Variants in AGBL1 observed in about 807,000 individuals in gnomAD.
The protein encoded by AGBL1 is AGBL carboxypeptidase 1.
AGBL1 carries 130 observed loss-of-function variants against 118.9 expected under a neutral mutation model. That is an observed-to-expected ratio of 1.09 (90% CI 0.95 to 1.26). The LOEUF is 1.26. AGBL1 is among the 50% of genes most tolerant of loss of function. The pLI is 0.00. For missense variants in AGBL1, 1,584 were observed against 1,298.1 expected (o/e 1.22, Z -3.38); for synonymous variants, 555 against 478.9 (o/e 1.16, Z -2.08).
chr15:86,264,709 T>C lies in AGBL1; in HGVS notation c.1538T>C (p.Leu513Pro), dbSNP rs1471986315. The change falls in exon 11 of 23, where the codon CTT (leucine) becomes CCT (proline). Residue 513 changes from leucine (L) to proline (P), a missense_variant. Physicochemically the swap from Leu to Pro is moderately conservative, Grantham distance 98. Coordinates refer to ENST00000614907, the MANE Select transcript of AGBL1 (RefSeq NM_001386094.1). ...LKRVPFHDPY[L>P]YMAKARRTSS... ...CGTGTCCCTTTCCACGATCCCTATC[T>C]TTATATGGCCAAAGCCAGAAGAACC... 4 of 1,613,890 alleles carry C rather than the reference T, an allele frequency of 2.5e-6. No individual in the cohort carries two copies. The highest frequency in any genetic ancestry group is 2.7e-5 in the African/African-American group (2 of 74,932).
chr15:86,950,732 C>T (rs2080871967), intron 23 of AGBL1, among the ~76,000 whole-genome samples: 1 of 151,836 alleles, frequency 6.6e-6, no homozygotes, highest in South Asian at 2.1e-4. Flanking sequence ...GAAGAAGAAA[C>T]ACAGCTAATC....
intron 1 of AGBL1, chr15:86,088,181 G>T (rs1031684163): frequency 6.6e-6 from 1 of 152,304 alleles, no homozygotes; most frequent in African/African-American, 2.4e-5. Context: ...GCCATAGTTT[G>T]TTACCCCTGG....
intron 1 of AGBL1, among the ~76,000 whole-genome samples, chr15:86,125,582 C>A (rs568265628): frequency 6.6e-6 from 1 of 152,282 alleles, no homozygotes; most frequent in East Asian, 1.9e-4. Context: ...GAAGGACAGA[C>A]AATGGACATT....
At chr15:86,149,799 T>G (rs2077082658) in intron 3 of AGBL1, among the ~76,000 whole-genome samples, 1 of 152,156 alleles carries the variant, frequency 6.6e-6, no homozygotes, top group South Asian at 2.1e-4. Context: ...TACAGCACTC[T>G]CCACCCCAAA....
intron 5 of AGBL1, among the ~76,000 whole-genome samples, chr15:86,181,177 T>C (rs903806069): frequency 2.0e-5 from 3 of 152,056 alleles, no homozygotes; most frequent in Non-Finnish European, 4.4e-5. Flanking sequence ...ATTTACACAA[T>C]AGAAATGAAA....
At chr15:86,618,803 G>A (rs900486621) in intron 21 of AGBL1, among the ~76,000 whole-genome samples, 16 of 151,996 alleles carry the variant, frequency 1.1e-4, no homozygotes, top group South Asian at 2.1e-4. Context: ...TAAGATGCCC[G>A]TTTTGCCCTC....
intron 22 of AGBL1, among the ~76,000 whole-genome samples, chr15:86,857,765 C>T (rs2079504238): frequency 6.6e-6 from 1 of 152,148 alleles, no homozygotes; most frequent in Admixed American, 6.5e-5. Flanking sequence ...CATCCCTGGC[C>T]CCCAGGATGG....
chr15:86,830,691 A>T (rs1407220653), intron 22 of AGBL1, among the ~76,000 whole-genome samples: 1 of 152,204 alleles, frequency 6.6e-6, no homozygotes, highest in East Asian at 1.9e-4. Flanking sequence ...GCCAGCCATT[A>T]ATAGCAGACA....
At chr15:86,884,967 T>C (rs2079949625) in intron 22 of AGBL1, among the ~76,000 whole-genome samples, 1 of 152,204 alleles carries the variant, frequency 6.6e-6, no homozygotes. Context: ...GTTCAGTAAT[T>C]AGTAAATAAA....
At chr15:86,249,851 A>T (rs1023902030) in intron 7 of AGBL1, among the ~76,000 whole-genome samples, 1 of 152,260 alleles carries the variant, frequency 6.6e-6, no homozygotes, top group Admixed American at 6.5e-5. Context: ...TGGAGAAAAC[A>T]CCAAATGAAG....
At chr15:86,861,954 C>T (rs1405200121) in intron 22 of AGBL1, among the ~76,000 whole-genome samples, 1 of 152,186 alleles carries the variant, frequency 6.6e-6, no homozygotes, top group Non-Finnish European at 1.5e-5. Context: ...GTCCTAGGTG[C>T]TAAGGATACT....
At chr15:86,185,107 A>G (rs1268480590) in intron 5 of AGBL1, among the ~76,000 whole-genome samples, 1 of 152,230 alleles carries the variant, frequency 6.6e-6, no homozygotes, top group Non-Finnish European at 1.5e-5. Context: ...ATATGAACAG[A>G]CACTTCTCAA....
At chr15:86,820,587 C>A (rs915998891) in intron 22 of AGBL1, among the ~76,000 whole-genome samples, 3 of 152,188 alleles carry the variant, frequency 2.0e-5, no homozygotes, top group African/African-American at 7.2e-5. Context: ...AAAAGCTCAT[C>A]ACCATGTGGA....
At chr15:86,869,805 A>C (rs1380489403) in intron 22 of AGBL1, among the ~76,000 whole-genome samples, 1 of 152,176 alleles carries the variant, frequency 6.6e-6, no homozygotes, top group Non-Finnish European at 1.5e-5. Flanking sequence ...AAGTGGCCCA[A>C]GTCTAAGCTT....
In AGBL1 at chr15:86,397,353, C is replaced by T. The variant is rs773073015; in HGVS notation, c.2375-13C>T. ...AATTTGGGTTTAATTTTCTTATGTC[C>T]CTTTTTCTGCAGGACATCGTCCATA... is the stretch of plus-strand genomic sequence containing the variant. On this transcript the variant is annotated splice_polypyrimidine_tract_variant and intron_variant, in intron 17 of 22. Transcript: ENST00000614907. 6.8e-7 allele frequency: 1 copy of T among 1,471,094 alleles called. No individual in the cohort carries two copies. The highest frequency in any genetic ancestry group is 9.1e-7 in the Non-Finnish European group (1 of 1,097,550). 91.1% of individuals were successfully genotyped at this position (1,471,094 alleles called of 1,614,324 possible).
chr15:86,252,696 A>T (rs2078835659), intron 7 of AGBL1, among the ~76,000 whole-genome samples: 4 of 152,132 alleles, frequency 2.6e-5, no homozygotes, highest in Admixed American at 2.6e-4. Context: ...TAAGAGAAAC[A>T]CTTGGTTTGT....
In AGBL1 at chr15:86,955,740, C is replaced by T. The variant is rs997267116; in HGVS notation, c.3222-32247C>T. Among the ~76,000 whole-genome samples the T allele has an allele frequency of 4.2e-4, 63 of 151,772 alleles. 1 individual carries two copies. The highest frequency in any genetic ancestry group is 1.4e-3 in the African/African-American group (57 of 41,412). ...TAATTTCTGAAAATAAATTAACAAC[C>T]GGATTATGAAGAAGAAAAATGAAAA... On this transcript the variant is annotated intron_variant, in intron 23 of 24. Transcript: ENST00000441037.
chr15:87,015,412 T>C (rs2081599922), intron 24 of AGBL1, among the ~76,000 whole-genome samples: 1 of 152,104 alleles, frequency 6.6e-6, no homozygotes, highest in Admixed American at 6.6e-5. Context: ...TATTTTTCTA[T>C]CTGTCCTATT....
chr15:86,329,427 G>A (rs1271676846), intron 17 of AGBL1, among the ~76,000 whole-genome samples: 1 of 152,150 alleles, frequency 6.6e-6, no homozygotes, highest in Non-Finnish European at 1.5e-5. Flanking sequence ...AGATTGTGGT[G>A]CAGAGGGGCC....
Sources: allele counts gnomAD v4.1 joint callset (sites outside exome capture counted in the v4.1 genomes callset), GRCh38; gene constraint gnomAD v4.1.1; transcripts MANE v1.5; gene names NCBI Gene and HGNC (gene_info 2026-07-23, HGNC 2026-07-21).